Variants in PCA3 observed in about 807,000 individuals in gnomAD.
PCA3 encodes prostate cancer associated 3.
At chr9:76,773,320 C>G (rs1589141247) in intron 2 of PCA3, among the ~76,000 whole-genome samples, 2 of 152,012 alleles carry the variant, frequency 1.3e-5, no homozygotes, top group African/African-American at 4.8e-5. Flanking sequence ...GGGAGAATAC[C>G]AGAATGAAGA....
chr9:76,786,230 T>C (rs944073682), intron 2 of PCA3: 1 of 151,646 alleles, frequency 6.6e-6, no homozygotes, highest in East Asian at 1.9e-4. Flanking sequence ...CTCTTTGTGT[T>C]CATGGATAGT....
intron 2 of PCA3, among the ~76,000 whole-genome samples, chr9:76,772,425 G>A (rs556687186): frequency 4.6e-5 from 7 of 152,190 alleles, no homozygotes; most frequent in African/African-American, 7.2e-5. Context: ...CACTTGCTAC[G>A]TAGTCTTGAA....
chr9:76,781,012 C>A (rs2054330084), intron 2 of PCA3, among the ~76,000 whole-genome samples: 1 of 152,174 alleles, frequency 6.6e-6, no homozygotes, highest in Non-Finnish European at 1.5e-5. Context: ...CCCTAGTCCC[C>A]ATAGCCAGTC....
intron 2 of PCA3, among the ~76,000 whole-genome samples, chr9:76,765,782 T>G (rs2052297631): frequency 6.6e-6 from 1 of 152,196 alleles, no homozygotes; most frequent in Non-Finnish European, 1.5e-5. Flanking sequence ...TCCAAACCAG[T>G]GCTTTTCTGG....
At chr9:76,775,370 C>T (rs1365883862) in intron 2 of PCA3, among the ~76,000 whole-genome samples, 1 of 152,100 alleles carries the variant, frequency 6.6e-6, no homozygotes, top group African/African-American at 2.4e-5. Context: ...GATCACAGTT[C>T]ACTGCAGCCT....
chr9:76,770,445 T>G (rs2052968701), intron 2 of PCA3, among the ~76,000 whole-genome samples: 1 of 152,172 alleles, frequency 6.6e-6, no homozygotes, highest in Non-Finnish European at 1.5e-5. Flanking sequence ...TGTTAATGGC[T>G]TTTTCAAATG....
intron 2 of PCA3, among the ~76,000 whole-genome samples, chr9:76,783,256 C>T (rs940624829): frequency 3.3e-5 from 5 of 152,210 alleles, no homozygotes; most frequent in African/African-American, 1.2e-4. Context: ...CCTGCCTCAG[C>T]CTCCCAAGTA....
chr9:76,773,027 T>C (rs1023681699), intron 2 of PCA3, among the ~76,000 whole-genome samples: 3 of 152,224 alleles, frequency 2.0e-5, no homozygotes, highest in Admixed American at 2.0e-4. Flanking sequence ...AAGGAACAAT[T>C]TGTATTTAGA....
At chr9:76,769,988 G>A (rs768860306) in intron 2 of PCA3, among the ~76,000 whole-genome samples, 13 of 152,114 alleles carry the variant, frequency 8.5e-5, no homozygotes, top group Admixed American at 7.2e-4. Context: ...CAAGAGCAGT[G>A]AAGTCCATTT....
At chr9:76,785,318 C>T (rs1027683932) in intron 2 of PCA3, 2 of 152,148 alleles carry the variant, frequency 1.3e-5, no homozygotes, top group Non-Finnish European at 2.9e-5. Flanking sequence ...TCACATGAGA[C>T]AGCAAATACT....
chr9:76,768,575 GTATATGTA>G (rs1413931317), intron 2 of PCA3, among the ~76,000 whole-genome samples: 16 of 124,290 alleles, frequency 1.3e-4, no homozygotes, highest in Non-Finnish European at 1.2e-4. Flanking sequence ...ATATATATAT[GTATATGTA>G]TGTGTGTGTG....
rs1037751836 is a variant in PCA3, at chr9:76,776,663, C to G, written n.853-31920C>G. On this transcript the variant is annotated intron_variant and non_coding_transcript_variant, in intron 2 of 5. Transcript: ENST00000644657. The stretch of plus-strand genomic sequence containing the variant: ...CTAAGTAGCTAGGATTACAGGTGCC[C>G]GCCACTATGCCTAGCTAGTATTTCT... Among the ~76,000 whole-genome samples, 3 of 151,370 alleles carry G rather than the reference C, an allele frequency of 2.0e-5. No individual in the cohort carries two copies. In the East Asian group the frequency reaches 5.9e-4, roughly 30 times the overall value.
In PCA3 at chr9:76,774,457, T is replaced by TATTTATTTA. The variant is rs756648285; in HGVS notation, n.853-34126_853-34125insATTTATTTA. ...CTGGCCTCCAGTTCAACCCTTTTTT[T>TATTTATTTA]TTTTTTTTTTTTTTTTTTTTGAGAT... On this transcript the variant is annotated intron_variant and non_coding_transcript_variant, in intron 2 of 5. Coordinates refer to ENST00000644657, the Ensembl canonical transcript of PCA3. Among the ~76,000 whole-genome samples, 118 of 73,542 alleles carry TATTTATTTA rather than the reference T, an allele frequency of 1.6e-3. 1 individual carries two copies. The highest frequency in any genetic ancestry group is 1.9e-3 in the Non-Finnish European group (69 of 36,530). The allele number at this position is 73,542 out of a possible 152,430, so 48.2% of individuals were successfully genotyped here.
At chr9:76,782,221 G>GA (rs145880962) in intron 2 of PCA3, among the ~76,000 whole-genome samples, 8,945 of 150,210 alleles carry the variant, frequency 0.06, 677 homozygotes, top group African/African-American at 0.18. Flanking sequence ...CTCAAAAAAA[G>GA]AAAAAAAAGA....
intron 2 of PCA3, among the ~76,000 whole-genome samples, chr9:76,782,235 CA>C (rs1463298462): frequency 6.6e-6 from 1 of 151,832 alleles, no homozygotes; most frequent in Non-Finnish European, 1.5e-5. Context: ...AAAAAGAAAG[CA>C]TTGGGAAAGC....
At chr9:76,784,517 G>C (rs1274473701) in intron 2 of PCA3, 2 of 152,192 alleles carry the variant, frequency 1.3e-5, no homozygotes, top group Non-Finnish European at 2.9e-5. Context: ...CAAAGCTGTT[G>C]TAATATCTGA....
At chr9:76,771,537 G>A (rs912683209) in intron 2 of PCA3, among the ~76,000 whole-genome samples, 1 of 152,190 alleles carries the variant, frequency 6.6e-6, no homozygotes, top group African/African-American at 2.4e-5. Context: ...TGAGTCGGGG[G>A]TCAGGGATTG....
chr9:76,774,453 T>TTTTTATTTATTTATTTTTTTA, intron 2 of PCA3, among the ~76,000 whole-genome samples: 1 of 122,308 alleles, frequency 8.2e-6, no homozygotes, highest in Non-Finnish European at 1.8e-5. Flanking sequence ...TTCAACCCTT[T>TTTTTATTTATTTATTTTTTTA]TTTTTTTTTT....
At chr9:76,781,586 C>T (rs544186533) in intron 2 of PCA3, among the ~76,000 whole-genome samples, 4 of 152,290 alleles carry the variant, frequency 2.6e-5, no homozygotes, top group African/African-American at 9.6e-5. Context: ...AGGTTATATA[C>T]ATTTTCTTAT....
Sources: allele counts gnomAD v4.1 joint callset (sites outside exome capture counted in the v4.1 genomes callset), GRCh38; gene constraint gnomAD v4.1.1; transcripts MANE v1.5; gene names NCBI Gene and HGNC (gene_info 2026-07-23, HGNC 2026-07-21).